Variants in CRYBG1 observed in about 807,000 individuals in gnomAD.
CRYBG1 encodes beta/gamma crystallin domain-containing protein 1.
Under a neutral mutation model 189.2 loss-of-function variants are expected in CRYBG1, and 139 were observed. The ratio of observed to expected loss-of-function variants is 0.73; its 90% confidence interval spans 0.64 to 0.85. The LOEUF (loss-of-function observed/expected upper bound fraction) is 0.85. Ranked by LOEUF, CRYBG1 falls within the 40% of genes least tolerant of loss-of-function variation. CRYBG1 has a pLI of 0.00. For synonymous variants in CRYBG1, 1,023 were observed against 1,017.1 expected (o/e 1.01, Z -0.11); for missense variants, 2,611 against 2,675.8 (o/e 0.98, Z 0.53).
chr6:106,565,751 C>T (rs1774866005), intron 21 of CRYBG1, among the ~76,000 whole-genome samples: 2 of 152,292 alleles, frequency 1.3e-5, no homozygotes, highest in East Asian at 3.9e-4. Context: ...TTTGGTACAA[C>T]AGATTTGTCA....
At chr6:106,488,201 GGCCA>G (rs766398280) in intron 2 of CRYBG1, among the ~76,000 whole-genome samples, 16 of 152,196 alleles carry the variant, frequency 1.1e-4, no homozygotes, top group Non-Finnish European at 1.6e-4. Flanking sequence ...AGATGTGGCA[GGCCA>G]GCAGATTATG....
chr6:106,362,800 G>A (rs1771905743), intron 1 of CRYBG1, among the ~76,000 whole-genome samples: 1 of 152,066 alleles, frequency 6.6e-6, no homozygotes, highest in Non-Finnish European at 1.5e-5. Flanking sequence ...ACCCAACATT[G>A]AAGTTCTTTT....
chr6:106,401,496 G>A (rs917175170), intron 1 of CRYBG1, among the ~76,000 whole-genome samples: 2 of 129,334 alleles, frequency 1.5e-5, no homozygotes, highest in African/African-American at 6.1e-5. Flanking sequence ...ATGCTGGTGC[G>A]CTGCACCCAC....
intron 1 of CRYBG1, among the ~76,000 whole-genome samples, chr6:106,438,442 T>A (rs1234643882): frequency 6.6e-6 from 1 of 152,154 alleles, no homozygotes; most frequent in Non-Finnish European, 1.5e-5. Context: ...AGCAGGACCG[T>A]GCTCCTTCTG....
At chr6:106,391,928 C>CGTGTGTGT (rs57024907) in intron 1 of CRYBG1, among the ~76,000 whole-genome samples, 27 of 131,404 alleles carry the variant, frequency 2.1e-4, no homozygotes, top group African/African-American at 7.7e-4. Flanking sequence ...TTGTTTAAAA[C>CGTGTGTGT]GTGTGTGTGT....
Position 106,512,333 on chromosome 6 carries a change from TG to T in CRYBG1, c.1219del (p.Asp407ThrfsTer61). 1 of 1,609,896 alleles carries T rather than the reference TG, an allele frequency of 6.2e-7. No homozygotes were observed. ...ITPRAEDCGD[W>X]DDMEKRSSGR... ...TCCCAGAGCGGAAGATTGCGGTGAC[TG>T]GGACGACATGGAGAAGAGGTCCAGC... On this transcript the variant is annotated frameshift_variant, in exon 3 of 22. Transcript: ENST00000633556. LOFTEE classifies it high-confidence loss of function.
chr6:106,384,882 T>TCTTTTGTGG (rs1770354040), intron 1 of CRYBG1, among the ~76,000 whole-genome samples: 1 of 130,286 alleles, frequency 7.7e-6, no homozygotes, highest in Admixed American at 7.7e-5. Flanking sequence ...GTCTTTTGTG[T>TCTTTTGTGG]TTGGGGTGCA....
chr6:106,515,517 A>G (rs1773397021), intron 3 of CRYBG1, among the ~76,000 whole-genome samples: 1 of 152,202 alleles, frequency 6.6e-6, no homozygotes, highest in Non-Finnish European at 1.5e-5. Flanking sequence ...TGAAATGATT[A>G]GTGAGAATTT....
At chr6:106,477,674 GA>G (rs1164717583) in intron 2 of CRYBG1, among the ~76,000 whole-genome samples, 2 of 151,904 alleles carry the variant, frequency 1.3e-5, no homozygotes, top group African/African-American at 2.4e-5. Context: ...AGCCAAAGAA[GA>G]AAAAAAAGGA....
chr6:106,483,348 G>A (rs1443269329), intron 2 of CRYBG1, among the ~76,000 whole-genome samples: 1 of 138,652 alleles, frequency 7.2e-6, no homozygotes, highest in East Asian at 2.6e-4. Context: ...TGCCTGCATA[G>A]TATTCCATTG....
Position 106,508,123 on chromosome 6 carries a change from G to A in CRYBG1, c.313-3307G>A, listed in dbSNP as rs187130485. Among the ~76,000 whole-genome samples, 104 of 152,310 alleles carry A rather than the reference G, an allele frequency of 6.8e-4. 1 individual carries two copies. Among genetic ancestry groups the A allele is most frequent in the Admixed American group, 6.1e-3 (94 of 15,300 alleles). On this transcript the variant is annotated intron_variant, in intron 2 of 21. Coordinates refer to ENST00000633556, the MANE Select transcript of CRYBG1 (RefSeq NM_001371242.2). Reference sequence around the variant, plus strand: ...CTGGGCATGGTGGCACATGCCTATAGTCTCAGCTACTTGGGAAGCTGAGGT... The same window carrying A: ...CTGGGCATGGTGGCACATGCCTATAATCTCAGCTACTTGGGAAGCTGAGGT...
intron 1 of CRYBG1, among the ~76,000 whole-genome samples, chr6:106,422,685 G>A (rs188176031): frequency 2.6e-5 from 4 of 152,236 alleles, no homozygotes; most frequent in Non-Finnish European, 5.9e-5. Context: ...CTGCTACTGT[G>A]ACTTGGGACA....
chr6:106,549,013 G>A (rs938767023), intron 13 of CRYBG1, among the ~76,000 whole-genome samples: 2 of 150,668 alleles, frequency 1.3e-5, no homozygotes, highest in African/African-American at 4.9e-5. Context: ...TTGTCCTTGC[G>A]ATCGTTTGCT....
intron 1 of CRYBG1, among the ~76,000 whole-genome samples, chr6:106,445,147 G>T (rs1239366918): frequency 1.3e-5 from 2 of 152,170 alleles, no homozygotes; most frequent in Non-Finnish European, 2.9e-5. Context: ...TTGGCAACAA[G>T]AAATACTTGG....
At chr6:106,369,912 G>A (rs1346714861) in intron 1 of CRYBG1, among the ~76,000 whole-genome samples, 2 of 152,224 alleles carry the variant, frequency 1.3e-5, no homozygotes, top group African/African-American at 4.8e-5. Flanking sequence ...CTCATTAAGA[G>A]TGAGGCTGGG....
chr6:106,483,401 TA>T lies in CRYBG1; in HGVS notation c.313-28025del, dbSNP rs1554185571. Among the ~76,000 whole-genome samples the T allele has an allele frequency of 6.7e-4, 64 of 95,626 alleles. 4 individuals carry two copies. The highest frequency in any genetic ancestry group is 2.3e-3 in the Admixed American group (19 of 8,134). The allele number at this position is 95,626 out of a possible 152,430, so 62.7% of individuals were successfully genotyped here. A position where few individuals can be genotyped will look rare whatever the true frequency, so the allele number is the denominator to read the frequency against. On this transcript the variant is annotated intron_variant, in intron 2 of 21. Transcript: ENST00000633556. The stretch of plus-strand genomic sequence containing the variant: ...GTGTATATATATATAGATATATATA[TA>T]AAACATTTTCTTTATCTACTTATTT...
Position 106,527,468 on chromosome 6 carries a change from C to A in CRYBG1, c.4576C>A (p.Gln1526Lys). ...VVIGSIRHVV[Q>K]DYRVSHIDLF... is the part of the protein sequence containing the mutation. The stretch of plus-strand genomic sequence containing the variant: ...GATTGGTTCCATCAGACATGTGGTT[C>A]AGGTAGGTTGTGGTAAATATGGATT... The change falls in exon 7 of 22, where the codon CAG (glutamine) becomes AAG (lysine). Residue 1526 changes from glutamine (Q) to lysine (K), a missense_variant and splice_region_variant. Gln to Lys is a moderately conservative substitution (Grantham distance 53, BLOSUM62 1). Around this residue, in one of 3 missense-constraint regions of CRYBG1, gnomAD observed 1,622 missense variants for 1,735.0 expected, o/e 0.93. Transcript: ENST00000633556. 6.2e-7 allele frequency: 1 copy of A among 1,608,738 alleles called. No homozygotes were observed. The highest frequency in any genetic ancestry group is 1.1e-5 in the South Asian group (1 of 90,218).
At chr6:106,557,715 A>T (rs1376094027) in intron 17 of CRYBG1, among the ~76,000 whole-genome samples, 2 of 151,878 alleles carry the variant, frequency 1.3e-5, no homozygotes, top group African/African-American at 2.4e-5. Flanking sequence ...TGACAGGCGT[A>T]AGCCACCATG....
chr6:106,540,031 G>A (rs890516436), intron 9 of CRYBG1, among the ~76,000 whole-genome samples: 3 of 152,238 alleles, frequency 2.0e-5, no homozygotes, highest in South Asian at 2.1e-4. Context: ...AGCAGGGCAC[G>A]CTGAGGACCG....
Sources: gnomAD v4.1 joint callset for allele counts (sites outside exome capture counted in the v4.1 genomes callset) on GRCh38, gnomAD v4.1.1 for gene constraint, gnomAD v4.1.1 regional missense constraint, MANE v1.5 for transcripts, NCBI Gene and HGNC (gene_info 2026-07-23, HGNC 2026-07-21) for gene names.